KCNJ15: variants seen among roughly 807,000 people sequenced by gnomAD.
The protein encoded by KCNJ15 is ATP-sensitive inward rectifier potassium channel 15.
A neutral mutation model predicts 23.0 loss-of-function variants in KCNJ15; 14 were observed. That is an observed-to-expected ratio of 0.61 (90% CI 0.40 to 0.95). The LOEUF is 0.95. Among genes scored for constraint, KCNJ15 ranks in the 40% least tolerant of loss-of-function variants. KCNJ15 has a pLI of 0.00. For synonymous variants in KCNJ15, 185 were observed against 183.2 expected, an observed-to-expected ratio of 1.01 and a Z score of -0.08; for missense variants, 388 against 461.8, an observed-to-expected ratio of 0.84 and a Z score of 1.46.
At chr21:38,250,886 G>A (rs533388878) in intron 1 of KCNJ15, among the ~76,000 whole-genome samples, 11 of 152,146 alleles carry the variant, frequency 7.2e-5, no homozygotes, top group African/African-American at 2.7e-4. Context: ...TTGTAAAGTG[G>A]GTCTTGGAGT....
chr21:38,279,231 G>A (rs1192088781), intron 1 of KCNJ15, among the ~76,000 whole-genome samples: 1 of 151,758 alleles, frequency 6.6e-6, no homozygotes, highest in Non-Finnish European at 1.5e-5. Flanking sequence ...GGTCTAATTT[G>A]GGGTGTTTGT....
At chr21:38,267,271 A>T (rs1373356704) in intron 1 of KCNJ15, 2 of 152,228 alleles carry the variant, frequency 1.3e-5, no homozygotes, top group African/African-American at 4.8e-5. Flanking sequence ...GTTTTGGATG[A>T]GTCAGTTCTG....
At chr21:38,283,089 C>A (rs1161096730) in intron 1 of KCNJ15, among the ~76,000 whole-genome samples, 1 of 152,126 alleles carries the variant, frequency 6.6e-6, no homozygotes, top group Non-Finnish European at 1.5e-5. Context: ...TGAAATGAAG[C>A]CTTAAGATGA....
intron 1 of KCNJ15, among the ~76,000 whole-genome samples, chr21:38,263,849 T>C (rs1314264343): frequency 1.3e-5 from 2 of 152,206 alleles, no homozygotes; most frequent in African/African-American, 2.4e-5. Context: ...TTTCTTTCTG[T>C]TTCTTTATGT....
intron 1 of KCNJ15, among the ~76,000 whole-genome samples, chr21:38,283,948 T>C (rs1270211082): frequency 6.6e-6 from 1 of 152,200 alleles, no homozygotes; most frequent in Non-Finnish European, 1.5e-5. Flanking sequence ...CTACTCAGGC[T>C]CAGTCTGGGT....
intron 1 of KCNJ15, among the ~76,000 whole-genome samples, chr21:38,274,614 T>C (rs1982460639): frequency 6.6e-6 from 1 of 152,166 alleles, no homozygotes; most frequent in Non-Finnish European, 1.5e-5. Context: ...CATCTTTCCT[T>C]CCTATCTTAG....
intron 1 of KCNJ15, among the ~76,000 whole-genome samples, chr21:38,261,276 G>C (rs866723504): frequency 3.9e-5 from 6 of 152,152 alleles, no homozygotes. Context: ...CAATTTGGGG[G>C]CTTTCTTTAG....
At chr21:38,241,726 G>T (rs1979006489) in intron 1 of KCNJ15, among the ~76,000 whole-genome samples, 1 of 152,094 alleles carries the variant, frequency 6.6e-6, no homozygotes, top group Admixed American at 6.5e-5. Context: ...TAGCACTTTG[G>T]GAGGCCAAGG....
At chr21:38,292,702 C>T (rs1984733238) in intron 1 of KCNJ15, among the ~76,000 whole-genome samples, 1 of 152,140 alleles carries the variant, frequency 6.6e-6, no homozygotes, top group Non-Finnish European at 1.5e-5. Flanking sequence ...GGTGCAGTGG[C>T]TCTCAACTGT....
intron 1 of KCNJ15, among the ~76,000 whole-genome samples, chr21:38,275,152 C>A (rs1810462398): frequency 1.3e-5 from 2 of 152,106 alleles, no homozygotes; most frequent in Admixed American, 1.3e-4. Flanking sequence ...TACCTGGTGG[C>A]AAACCAACGT....
At chr21:38,281,421 C>A (rs988252433) in intron 1 of KCNJ15, among the ~76,000 whole-genome samples, 3 of 152,052 alleles carry the variant, frequency 2.0e-5, no homozygotes, top group Admixed American at 2.0e-4. Context: ...TTTAAAACCA[C>A]CCCACAGCCC....
intron 1 of KCNJ15, among the ~76,000 whole-genome samples, chr21:38,278,690 G>T (rs77196663): frequency 3.4e-3 from 523 of 152,258 alleles, no homozygotes; most frequent in African/African-American, 0.011. Flanking sequence ...GAGAACGCTG[G>T]CCAAGACAGG....
Position 38,306,763 on chromosome 21 carries a change from G to A in KCNJ15, c.*6374G>A, listed in dbSNP as rs981141918. The stretch of plus-strand genomic sequence containing the variant: ...TTTTGAGGAATTATTTCTGTAAGGT[G>A]TCATGGAATTGTAAGTTACAAAAAT... On this transcript the variant is annotated 3_prime_UTR_variant, in exon 3 of 3. Transcript: ENST00000398938. 1 of 152,202 alleles carries A rather than the reference G, an allele frequency of 6.6e-6. No homozygotes were observed. The highest frequency in any genetic ancestry group is 2.4e-5 in the African/African-American group (1 of 41,432). The allele number at this position is 152,202 out of a possible 1,614,324, so 9.4% of individuals were successfully genotyped here.
intron 1 of KCNJ15, among the ~76,000 whole-genome samples, chr21:38,247,626 A>T (rs1041457482): frequency 2.6e-5 from 4 of 152,200 alleles, no homozygotes; most frequent in Non-Finnish European, 4.4e-5. Context: ...AGGTAGATGG[A>T]TGGATTGATT....
chr21:38,289,323 C>T (rs1433462770), intron 1 of KCNJ15, among the ~76,000 whole-genome samples: 1 of 152,140 alleles, frequency 6.6e-6, no homozygotes. Context: ...ATTTCCTTCT[C>T]CTTAACCAAA....
intron 1 of KCNJ15, among the ~76,000 whole-genome samples, chr21:38,288,050 T>TTTTTTTTTTTTTTTTTC (rs1984155233): frequency 9.3e-6 from 1 of 107,022 alleles, no homozygotes; most frequent in Non-Finnish European, 2.0e-5. Flanking sequence ...TTTTTTTTTT[T>TTTTTTTTTTTTTTTTTC]TTTTTTTTGA....
rs1426007650 is a variant in KCNJ15 at position 38,302,810 on chromosome 21, A to G, written c.*2421A>G. On this transcript the variant is annotated 3_prime_UTR_variant, in exon 3 of 3. Transcript: ENST00000398938. ...AAAAAATTTTGTATTGTCATTTAGC[A>G]TATCAATTTCAGCCAAATTTGGAAG... The G allele has an allele frequency of 1.3e-5, 2 of 152,220 alleles. No homozygotes were observed. The highest frequency in any genetic ancestry group is 6.5e-5 in the Admixed American group (1 of 15,286). The allele number at this position is 152,220 out of a possible 1,614,324, so 9.4% of individuals were successfully genotyped here.
intron 1 of KCNJ15, among the ~76,000 whole-genome samples, chr21:38,278,067 G>A (rs1366503804): frequency 6.6e-6 from 1 of 152,204 alleles, no homozygotes; most frequent in African/African-American, 2.4e-5. Context: ...GTACTGTAGG[G>A]TATTGAGACA....
upstream of KCNJ15, among the ~76,000 whole-genome samples, chr21:38,253,137 G>T (rs1412982216): frequency 6.6e-6 from 1 of 152,012 alleles, no homozygotes; most frequent in African/African-American, 2.4e-5. Flanking sequence ...TCTTGTCCTT[G>T]TCCTAAAATT....
Sources: gnomAD v4.1 joint callset for allele counts (sites outside exome capture counted in the v4.1 genomes callset) on GRCh38, gnomAD v4.1.1 for gene constraint, MANE v1.5 for transcripts, NCBI Gene and HGNC (gene_info 2026-07-23, HGNC 2026-07-21) for gene names.